Variants in TRABD observed in about 807,000 individuals in gnomAD.
TRABD encodes the protein TraB domain containing.
Under a neutral mutation model 39.6 loss-of-function variants are expected in TRABD, and 23 were observed. The observed-to-expected ratio is 0.58, with a 90% confidence interval of 0.42 to 0.82. TRABD has a LOEUF of 0.82. Ranked by LOEUF, TRABD falls within the 40% of genes least tolerant of loss-of-function variation. The pLI, the probability that TRABD is intolerant of heterozygous loss-of-function variation, is 0.00. For synonymous variants in TRABD, 243 were observed against 232.1 expected, an observed-to-expected ratio of 1.05 and a Z score of -0.43; for missense variants, 487 against 544.9, an observed-to-expected ratio of 0.89 and a Z score of 1.06.
chr22:50,194,041 T>C (rs1419461141), intron 3 of TRABD, among the ~76,000 whole-genome samples: 1 of 16,214 alleles, frequency 6.2e-5, no homozygotes, highest in Admixed American at 4.4e-4. Flanking sequence ...CTGCCCCCAC[T>C]GTCCCCCACA....
At chr22:50,195,489 G>A (rs1486625696) in intron 5 of TRABD, among the ~76,000 whole-genome samples, 3 of 151,268 alleles carry the variant, frequency 2.0e-5, no homozygotes, top group Non-Finnish European at 4.4e-5. Flanking sequence ...TTGAGACAGA[G>A]TCTCGCTCTG....
At chr22:50,197,190 C>CGCGGGGGGGG in intron 5 of TRABD, 51 bp from the exon 6 acceptor site, 2 of 1,549,316 alleles carry the variant, frequency 1.3e-6, no homozygotes, top group African/African-American at 2.7e-5. Flanking sequence ...ATTCCCCCAG[C>CGCGGGGGGGG]GCACCCCCGC....
intron 1 of TRABD, among the ~76,000 whole-genome samples, chr22:50,189,789 G>A (rs1479833789): frequency 6.6e-6 from 1 of 151,488 alleles, no homozygotes; most frequent in Non-Finnish European, 1.5e-5. Context: ...GGACCCAGAG[G>A]GGGTGGCTGC....
chr22:50,190,148 C>A (rs2063858904), intron 1 of TRABD, among the ~76,000 whole-genome samples: 1 of 152,222 alleles, frequency 6.6e-6, no homozygotes, highest in Non-Finnish European at 1.5e-5. Context: ...GAATCACGGG[C>A]TTTAGGTGCT....
chr22:50,190,899 C>T (rs2063886999), intron 1 of TRABD, among the ~76,000 whole-genome samples: 1 of 152,240 alleles, frequency 6.6e-6, no homozygotes, highest in Non-Finnish European at 1.5e-5. Flanking sequence ...GTGCCAGCTG[C>T]ACTTCCTGGA....
chr22:50,187,279 G>C (rs1429986255), intron 1 of TRABD, among the ~76,000 whole-genome samples: 1 of 152,210 alleles, frequency 6.6e-6, no homozygotes, highest in Non-Finnish European at 1.5e-5. Context: ...AGGAGGCCTC[G>C]GGCTCTGGCT....
At chr22:50,189,479 C>A (rs1316360923) in intron 1 of TRABD, among the ~76,000 whole-genome samples, 1 of 152,256 alleles carries the variant, frequency 6.6e-6, no homozygotes, top group African/African-American at 2.4e-5. Flanking sequence ...CGTCTGGCTT[C>A]CTGCCAGGCT....
Position 50,198,394 on chromosome 22 carries a change from G to A in TRABD, c.1006G>A (p.Ala336Thr), listed in dbSNP as rs1230225509. ...CAGAGTGTCTCGGTTGGCCGTGAAG[G>A]CCGCCTTCTTCGGCCTGCTGGGCTA... ...SGRVSRLAVK[A>T]AFFGLLGYSL... The change falls in exon 10 of 10, where the codon GCC becomes ACC. Residue 336 changes from alanine to threonine, a missense_variant. Coordinates refer to ENST00000380909, the MANE Select transcript of TRABD (RefSeq NM_001320485.2). The surrounding 1 kb of genome is among the most constrained non-coding windows in gnomAD (Gnocchi z 7.9). 6.3e-7 allele frequency: 1 copy of A among 1,594,750 alleles called. No individual in the cohort carries two copies. Among genetic ancestry groups the A allele is most frequent in the Non-Finnish European group, 8.5e-7 (1 of 1,176,214 alleles).
chr22:50,199,196 A>G lies in TRABD; in HGVS notation c.*677A>G. On this transcript the variant is annotated 3_prime_UTR_variant, in exon 10 of 10. Transcript: ENST00000380909. The stretch of plus-strand genomic sequence containing the variant: ...AATTCGTGTTCTTGGGTCTGTCCCG[A>G]GTGGGCTCGCGTGCAGCCAAACATC... 1.4e-6 allele frequency: 1 copy of G among 709,288 alleles called. No individual in the cohort carries two copies. Among genetic ancestry groups the G allele is most frequent in the Non-Finnish European group, 2.6e-6 (1 of 380,446 alleles). The allele number at this position is 709,288 out of a possible 1,614,324, so 43.9% of individuals were successfully genotyped here. A position where few individuals can be genotyped will look rare whatever the true frequency, so the allele number is the denominator to read the frequency against.
At position 50,193,571 on chromosome 22, in the gene TRABD, T is replaced by G. The variant is rs1339207773; in HGVS notation, c.34-5T>G. On this transcript the variant is annotated splice_region_variant and splice_polypyrimidine_tract_variant and intron_variant, in intron 2 of 9. Transcript: ENST00000380909. ...CCTGACTTGAACTCTCCTTTCCACC[T>G]GCAGGCCAACGTGGAACCTGTTGTG... The G allele has an allele frequency of 1.9e-6, 3 of 1,613,608 alleles. No individual in the cohort carries two copies. In the Admixed American group the frequency reaches 5.0e-5, roughly 27 times the overall value.
chr22:50,196,866 T>C (rs924642560), intron 5 of TRABD: 1 of 174,682 alleles, frequency 5.7e-6, no homozygotes, highest in Admixed American at 6.0e-5. Flanking sequence ...GGCTAATTTT[T>C]ATATTTTTAG....
At chr22:50,187,158 G>T (rs1399551252) in intron 1 of TRABD, among the ~76,000 whole-genome samples, 3 of 152,134 alleles carry the variant, frequency 2.0e-5, no homozygotes, top group Non-Finnish European at 4.4e-5. Context: ...GCCTGGCAGG[G>T]TGGGTGGGTG....
rs1352243294 is a variant in TRABD at position 50,199,134 on chromosome 22, A to G, written c.*615A>G. The G allele has an allele frequency of 1.4e-6, 1 of 720,222 alleles. No individual in the cohort carries two copies. 44.6% of individuals were successfully genotyped at this position (720,222 alleles called of 1,614,324 possible). ...ATTTCAGAGAGAAAAACTGAAGTAA[A>G]TGTCAAAAAACACCAGCCTTAAATC... On this transcript the variant is annotated 3_prime_UTR_variant, in exon 10 of 10. Coordinates refer to ENST00000380909, the MANE Select transcript of TRABD (RefSeq NM_001320485.2).
Position 50,197,809 on chromosome 22 carries a change from A to AT in TRABD, c.672-13dup. Reference sequence around the variant, plus strand: ...TGCCCATCCCTGCGGGGCTGCAGCCATCCCTCTCCACAGCAAGGATGACGT... The same window carrying AT: ...TGCCCATCCCTGCGGGGCTGCAGCCATTCCCTCTCCACAGCAAGGATGACGT... On this transcript the variant is annotated splice_polypyrimidine_tract_variant and intron_variant, in intron 7 of 9. Coordinates refer to ENST00000380909, the MANE Select transcript of TRABD (RefSeq NM_001320485.2). The AT allele has an allele frequency of 9.2e-7, 1 of 1,085,050 alleles. No homozygotes were observed. Among genetic ancestry groups the AT allele is most frequent in the East Asian group, 5.3e-5 (1 of 19,012 alleles). The allele number at this position is 1,085,050 out of a possible 1,614,324, so 67.2% of individuals were successfully genotyped here.
rs754032115 is a variant in TRABD, at chr22:50,193,572, G to A, written c.34-4G>A. 18 of 1,613,670 alleles carry A rather than the reference G, an allele frequency of 1.1e-5. No individual in the cohort carries two copies. The highest frequency in any genetic ancestry group is 1.4e-5 in the Non-Finnish European group (16 of 1,179,894). ...CTGACTTGAACTCTCCTTTCCACCT[G>A]CAGGCCAACGTGGAACCTGTTGTGC... On this transcript the variant is annotated splice_region_variant and splice_polypyrimidine_tract_variant and intron_variant, in intron 2 of 9. Transcript: ENST00000380909.
chr22:50,187,034 C>T (rs1244118030), intron 1 of TRABD, among the ~76,000 whole-genome samples: 6 of 152,372 alleles, frequency 3.9e-5, no homozygotes, highest in Non-Finnish European at 8.8e-5. Context: ...CCGCCAGGCT[C>T]ACTGCGCTGT....
chr22:50,194,279 C>T (rs1015020340), intron 3 of TRABD, 61 bp from the exon 4 acceptor site: 62 of 1,569,714 alleles, frequency 3.9e-5, no homozygotes, highest in African/African-American at 3.0e-4. Flanking sequence ...AGGCTGCCAG[C>T]GGGCCCGGCG....
At chr22:50,189,158 G>C (rs894074384) in intron 1 of TRABD, among the ~76,000 whole-genome samples, 1 of 152,220 alleles carries the variant, frequency 6.6e-6, no homozygotes, top group Non-Finnish European at 1.5e-5. Context: ...CTGCGGCAGA[G>C]AAGCTCGAGG....
At chr22:50,197,781 C>CCCCCGG in intron 7 of TRABD, 42 bp from the exon 8 acceptor site, 79 of 1,496,092 alleles carry the variant, frequency 5.3e-5, no homozygotes, top group Non-Finnish European at 6.4e-5. Flanking sequence ...CCCCCCAGCC[C>CCCCCGG]GTTGCCCATC....
Sources: allele counts gnomAD v4.1 joint callset (sites outside exome capture counted in the v4.1 genomes callset), GRCh38; gene constraint gnomAD v4.1.1; non-coding constraint Gnocchi (gnomAD v3.1); transcripts MANE v1.5; gene names NCBI Gene and HGNC (gene_info 2026-07-23, HGNC 2026-07-21).